Variants in PDZD8 observed in about 807,000 individuals in gnomAD.
PDZD8 encodes the protein PDZ domain containing 8, also known as PDZ domain-containing protein 8.
Under a neutral mutation model 85.8 loss-of-function variants are expected in PDZD8, and 14 were observed. The ratio of observed to expected loss-of-function variants is 0.16; its 90% CI spans 0.11 to 0.26. PDZD8 has a LOEUF of 0.26. Ranked by LOEUF, PDZD8 falls within the 10% of genes least tolerant of loss-of-function variation. The probability of loss-of-function intolerance (pLI) is 1.00; values close to 1 mark genes in which losing one functional copy is unlikely to be tolerated. For missense variants in PDZD8, 1,197 were observed against 1,424.3 expected, an observed-to-expected ratio of 0.84 and a Z score of 2.57; for synonymous variants, 592 against 568.6, an observed-to-expected ratio of 1.04 and a Z score of -0.59.
chr10:117,307,729 A>C (rs949601114), intron 3 of PDZD8, among the ~76,000 whole-genome samples: 2 of 152,008 alleles, frequency 1.3e-5, no homozygotes, highest in Non-Finnish European at 2.9e-5. Flanking sequence ...TCGACTTTAA[A>C]CTCTACTCAT....
intron 3 of PDZD8, among the ~76,000 whole-genome samples, chr10:117,311,647 T>A (rs969775302): frequency 1.3e-5 from 2 of 152,148 alleles, no homozygotes; most frequent in African/African-American, 4.8e-5. Flanking sequence ...GAGGAAATGA[T>A]GATTACTGTT....
intron 3 of PDZD8, among the ~76,000 whole-genome samples, 191 bp from the exon 4 acceptor site, chr10:117,290,539 A>G (rs964860528): frequency 6.6e-6 from 1 of 152,204 alleles, no homozygotes; most frequent in African/African-American, 2.4e-5. Flanking sequence ...ACACATTTAA[A>G]TCATCAAAAA....
At chr10:117,341,607 C>T in intron 1 of PDZD8, among the ~76,000 whole-genome samples, 1 of 152,184 alleles carries the variant, frequency 6.6e-6, no homozygotes, top group East Asian at 1.9e-4. Context: ...TGTTTTGAAT[C>T]ATCTCCAGAT....
chr10:117,366,035 T>A (rs553018417), intron 1 of PDZD8, among the ~76,000 whole-genome samples: 150 of 151,818 alleles, frequency 9.9e-4, no homozygotes, highest in Admixed American at 3.0e-3. Flanking sequence ...TATGAAATCT[T>A]AAGAGGAAAA....
chr10:117,304,492 A>AAGT (rs1843899255), intron 3 of PDZD8, among the ~76,000 whole-genome samples: 1 of 151,988 alleles, frequency 6.6e-6, no homozygotes. Context: ...CTTTTTGGGG[A>AAGT]CTACTGGGAA....
chr10:117,291,164 C>T (rs1334888185), intron 3 of PDZD8, among the ~76,000 whole-genome samples: 1 of 151,800 alleles, frequency 6.6e-6, no homozygotes. Flanking sequence ...GTGAGCCATC[C>T]CACCCGGCCA....
chr10:117,327,250 G>T (rs147982320), intron 2 of PDZD8, among the ~76,000 whole-genome samples: 1 of 152,274 alleles, frequency 6.6e-6, no homozygotes, highest in African/African-American at 2.4e-5. Context: ...TCACCTAGGG[G>T]TACTAAAGGA....
In PDZD8 at chr10:117,345,378, C is replaced by T. The variant is rs188037119; in HGVS notation, c.873-4276G>A. ...GGTGAGAGCAAATATCAAACACTTA[C>T]CCAAGAAACTATTCCTGAAGGAGGC... On this transcript the variant is annotated intron_variant, in intron 1 of 4. Transcript: ENST00000334464. 1.6e-4 allele frequency among the ~76,000 whole-genome samples: 25 copies of T among 152,252 alleles called. No individual in the cohort carries two copies. In the East Asian group the frequency reaches 4.6e-3, roughly 28 times the overall value.
rs2133900829 is a variant in PDZD8, at chr10:117,374,273, C to T, written c.872+83G>A. ...AAGCAGGCGCCAGGACAGAAATGAG[C>T]CTTTGCCCTTCCCAATCCACGCAGC... On this transcript the variant is annotated intron_variant, in intron 1 of 4. Coordinates refer to ENST00000334464, the MANE Select transcript of PDZD8 (RefSeq NM_173791.5). The surrounding 1 kb of genome is among the most constrained non-coding windows in gnomAD (Gnocchi z 7.8). 6.4e-7 allele frequency: 1 copy of T among 1,560,998 alleles called. No homozygotes were observed.
chr10:117,366,467 G>GT (rs199919559), intron 1 of PDZD8, among the ~76,000 whole-genome samples: 14 of 150,986 alleles, frequency 9.3e-5, no homozygotes, highest in East Asian at 5.8e-4. Context: ...TATTTTTAGG[G>GT]TTTTTTTTTA....
chr10:117,334,551 C>G (rs183752517), intron 2 of PDZD8, among the ~76,000 whole-genome samples: 1 of 151,904 alleles, frequency 6.6e-6, no homozygotes, highest in East Asian at 1.9e-4. Flanking sequence ...TGCTCAGATA[C>G]TAGATTTAGC....
At chr10:117,316,721 T>C (rs568904338) in intron 3 of PDZD8, among the ~76,000 whole-genome samples, 9 of 152,140 alleles carry the variant, frequency 5.9e-5, no homozygotes, top group Admixed American at 5.9e-4. Context: ...GGTCATCAAA[T>C]AGATTTGTTT....
At chr10:117,336,217 C>G (rs1844513093) in intron 2 of PDZD8, among the ~76,000 whole-genome samples, 1 of 152,144 alleles carries the variant, frequency 6.6e-6, no homozygotes, top group African/African-American at 2.4e-5. Context: ...GTATTTTCTA[C>G]TTGTGGCATC....
At chr10:117,346,232 CAA>C (rs59338641) in intron 1 of PDZD8, among the ~76,000 whole-genome samples, 2 of 63,656 alleles carry the variant, frequency 3.1e-5, no homozygotes, top group Non-Finnish European at 3.1e-5. Flanking sequence ...AAACTCCGTC[CAA>C]AAAAAAAAAA....
intron 2 of PDZD8, among the ~76,000 whole-genome samples, chr10:117,328,122 T>C (rs941083752): frequency 4.6e-5 from 7 of 152,228 alleles, no homozygotes; most frequent in Admixed American, 2.0e-4. Flanking sequence ...AAGTATAATA[T>C]GTGCACCAAC....
At chr10:117,338,636 G>C (rs887667818) in intron 2 of PDZD8, among the ~76,000 whole-genome samples, 5 of 152,008 alleles carry the variant, frequency 3.3e-5, no homozygotes, top group Non-Finnish European at 7.4e-5. Context: ...AATTCTTATT[G>C]GTTTCTCACT....
At chr10:117,355,257 C>G (rs1009442115) in intron 1 of PDZD8, among the ~76,000 whole-genome samples, 2 of 152,188 alleles carry the variant, frequency 1.3e-5, no homozygotes, top group African/African-American at 4.8e-5. Context: ...GTAAGCTTTT[C>G]ACTGCTGAAG....
intron 3 of PDZD8, among the ~76,000 whole-genome samples, chr10:117,309,471 T>C (rs1178965913): frequency 6.6e-6 from 1 of 151,972 alleles, no homozygotes; most frequent in Non-Finnish European, 1.5e-5. Flanking sequence ...TGATAGTCAC[T>C]ATACCTCAAA....
intron 3 of PDZD8, among the ~76,000 whole-genome samples, chr10:117,303,741 G>C (rs980827475): frequency 6.6e-6 from 1 of 152,236 alleles, no homozygotes; most frequent in Non-Finnish European, 1.5e-5. Flanking sequence ...TCCAGCTGTG[G>C]CTGAAAGAGG....
Sources: allele counts gnomAD v4.1 joint callset (sites outside exome capture counted in the v4.1 genomes callset), GRCh38; gene constraint gnomAD v4.1.1; non-coding constraint Gnocchi (gnomAD v3.1); transcripts MANE v1.5; gene names NCBI Gene and HGNC (gene_info 2026-07-23, HGNC 2026-07-21).